The following NCOR2 variants were observed in gnomAD, a reference collection of about 807,000 sequenced individuals.
The protein encoded by NCOR2 is nuclear receptor corepressor 2, also known as CTG repeat protein 26.
NCOR2 carries 81 observed loss-of-function variants against 262.9 expected under a neutral mutation model. The ratio of observed to expected loss-of-function variants is 0.31; its 90% CI spans 0.26 to 0.37. NCOR2 has a LOEUF of 0.37. NCOR2 is among the 10% of genes least tolerant of loss of function. The probability of loss-of-function intolerance (pLI) is 1.00; values close to 1 mark genes in which losing one functional copy is unlikely to be tolerated. For missense variants in NCOR2, 3,385 were observed against 3,621.4 expected, an observed-to-expected ratio of 0.93 and a Z score of 1.68; for synonymous variants, 1,659 against 1,559.3, an observed-to-expected ratio of 1.06 and a Z score of -1.51.
At chr12:124,362,440 G>A in intron 21 of NCOR2, 143 bp from the exon 24 acceptor site, 1 of 741,046 alleles carries the variant, frequency 1.3e-6, no homozygotes, top group South Asian at 2.7e-5. Flanking sequence ...CGGCAAGAAA[G>A]GGAGGTCTTA....
intron 44 of NCOR2, chr12:124,328,544 T>C (rs2034893622): frequency 6.6e-6 from 1 of 151,272 alleles, no homozygotes; most frequent in African/African-American, 2.5e-5. Context: ...TTTTCTTTCT[T>C]GTGAACCACG....
At position 124,511,551 on chromosome 12, in the gene NCOR2, C is replaced by T. The variant is rs562977294; in HGVS notation, c.-117-16183G>A. 4.6e-5 allele frequency among the ~76,000 whole-genome samples: 7 copies of T among 152,324 alleles called. No homozygotes were observed. The South Asian group carries it at 1.2e-3, about 27-fold the overall frequency. On this transcript the variant is annotated intron_variant, in intron 1 of 46. Coordinates refer to the NCOR2 transcript ENST00000404621. ...CCTGGGGCAAAGCCGGGGTAGAATC[C>T]GAGAGCCTCCTGCCTCTGGGTCCTG...
chr12:124,483,826 TCCCGAGGCCCCGACCA>T lies in NCOR2; in HGVS notation c.234-69_234-54del. The T allele has an allele frequency of 6.7e-7, 1 of 1,487,720 alleles. No homozygotes were observed. Among genetic ancestry groups the T allele is most frequent in the Non-Finnish European group, 9.0e-7 (1 of 1,116,618 alleles). The allele number at this position is 1,487,720 out of a possible 1,614,324, so 92.2% of individuals were successfully genotyped here. ...CATAGGAGATTGCGGCTCTGAGAAC[TCCCGAGGCCCCGACCA>T]CCCTCTGCGCCGAGCATCTACTGCG... On this transcript the variant is annotated intron_variant, in intron 2 of 46. Coordinates refer to ENST00000405201, the Ensembl canonical transcript of NCOR2. This position sits in a 1 kb window ranked among gnomAD's most constrained non-coding sequence, Gnocchi z 6.3.
chr12:124,369,462 C>T (rs1010716614), intron 20 of NCOR2, among the ~76,000 whole-genome samples: 7 of 152,044 alleles, frequency 4.6e-5, no homozygotes, highest in Admixed American at 3.3e-4. Flanking sequence ...GAGCAGGGGT[C>T]GCCTGGGGGG....
At chr12:124,505,092 G>A (rs1234967506) in intron 1 of NCOR2, among the ~76,000 whole-genome samples, 2 of 152,084 alleles carry the variant, frequency 1.3e-5, no homozygotes, top group Non-Finnish European at 2.9e-5. Flanking sequence ...TGGCCGGCTG[G>A]AAGTGGGCAG....
chr12:124,336,769 C>T (rs1344232503), exon 38 of NCOR2: 1 of 1,613,090 alleles, frequency 6.2e-7, no homozygotes, highest in Non-Finnish European at 8.5e-7. Flanking sequence ...AACGGAGTTC[C>T]AGTTCCTGGA....
chr12:124,351,067 C>T (rs909521376), intron 27 of NCOR2, among the ~76,000 whole-genome samples: 3 of 152,194 alleles, frequency 2.0e-5, no homozygotes, highest in African/African-American at 4.8e-5. Context: ...CAGGGAGGCA[C>T]AGTGACTTTA....
At chr12:124,385,672 G>C in intron 17 of NCOR2, 73 bp downstream of exon 19, 1 of 1,574,664 alleles carries the variant, frequency 6.4e-7, no homozygotes, top group Non-Finnish European at 8.6e-7. Flanking sequence ...GGGGTGCAGA[G>C]ACATCTCCTG....
At position 124,527,493 on chromosome 12, in the gene NCOR2, C is replaced by A. The variant is rs565653580; in HGVS notation, c.-118+8072G>T. On this transcript the variant is annotated intron_variant, in intron 1 of 46. Transcript: ENST00000404621. Reference sequence around the variant, plus strand: ...AGTGCAGTGGCACGATCTCAGCTCACTGCAGTCTCTGCCTCCTGGGTTCAA... The same window carrying A: ...AGTGCAGTGGCACGATCTCAGCTCAATGCAGTCTCTGCCTCCTGGGTTCAA... Among the ~76,000 whole-genome samples, 4 of 152,218 alleles carry A rather than the reference C, an allele frequency of 2.6e-5. No homozygotes were observed. The South Asian group carries it at 8.3e-4, about 32-fold the overall frequency.
At chr12:124,436,864 C>T (rs1306890522) in intron 8 of NCOR2, among the ~76,000 whole-genome samples, 1 of 152,156 alleles carries the variant, frequency 6.6e-6, no homozygotes. Context: ...GAGGCGGGTG[C>T]ATCACCTGAG....
Position 124,549,331 on chromosome 12 carries a change from G to A in NCOR2, c.-164-13720C>T, listed in dbSNP as rs1029984594. Among the ~76,000 whole-genome samples the A allele has an allele frequency of 3.3e-5, 5 of 152,152 alleles. No homozygotes were observed. Among genetic ancestry groups the A allele is most frequent in the Non-Finnish European group, 7.4e-5 (5 of 68,020 alleles). ...AAAATCCCACACTCCCCGCTTGGCC[G>A]GGTGGCCCACTGCCCGTCTGGCTTT... On this transcript the variant is annotated intron_variant, in intron 1 of 32. Transcript: ENST00000458234. The surrounding 1 kb of genome is among the most constrained non-coding windows in gnomAD (Gnocchi z 4.4).
At chr12:124,386,877 T>C (rs2040845405) in intron 16 of NCOR2, among the ~76,000 whole-genome samples, 2 of 152,228 alleles carry the variant, frequency 1.3e-5, no homozygotes, top group South Asian at 2.1e-4. Context: ...GGCGTGACCT[T>C]GTGTGGCCCA....
intron 16 of NCOR2, among the ~76,000 whole-genome samples, chr12:124,397,385 G>C (rs1237309009): frequency 6.6e-6 from 1 of 152,214 alleles, no homozygotes; most frequent in Non-Finnish European, 1.5e-5. Context: ...ACTGTGCTGG[G>C]AAGTAAAGAT....
intron 17 of NCOR2, 83 bp downstream of exon 19, chr12:124,385,662 G>C (rs776547270): frequency 3.2e-6 from 5 of 1,554,600 alleles, no homozygotes; most frequent in Non-Finnish European, 4.4e-6. Flanking sequence ...CATGCCTCCT[G>C]GGGTGCAGAG....
chr12:124,528,004 C>T lies in NCOR2; in HGVS notation c.-118+7561G>A, dbSNP rs373468024. Among the ~76,000 whole-genome samples, 18 of 152,352 alleles carry T rather than the reference C, an allele frequency of 1.2e-4. No homozygotes were observed. In the South Asian group the frequency reaches 3.7e-3, roughly 32 times the overall value. On this transcript the variant is annotated intron_variant, in intron 1 of 46. Coordinates refer to the NCOR2 transcript ENST00000404621. Reference sequence around the variant, plus strand: ...GTTTGTCATCTACCCTTCAGCGCAGCCTGATGAGGGATTTGCTGAATCAGG... The same window carrying T: ...GTTTGTCATCTACCCTTCAGCGCAGTCTGATGAGGGATTTGCTGAATCAGG...
chr12:124,352,714 C>A (rs1383462902), intron 27 of NCOR2, among the ~76,000 whole-genome samples: 1 of 152,236 alleles, frequency 6.6e-6, no homozygotes, highest in Non-Finnish European at 1.5e-5. Context: ...TCTTCAGGGA[C>A]ATGGACAGAG....
At chr12:124,405,610 C>G (rs891983733) in intron 13 of NCOR2, among the ~76,000 whole-genome samples, 1 of 152,216 alleles carries the variant, frequency 6.6e-6, no homozygotes, top group Non-Finnish European at 1.5e-5. Context: ...TGGGACAGAC[C>G]CCGGCAGCCT....
chr12:124,430,851 T>A, intron 8 of NCOR2, 64 bp from the exon 11 acceptor site: 2 of 1,535,144 alleles, frequency 1.3e-6, no homozygotes, highest in South Asian at 2.5e-5. Flanking sequence ...GCCTCCCCCC[T>A]GCCCACTCAC....
Position 124,334,443 on chromosome 12 carries a change from G to A in NCOR2, c.6586C>T (p.His2196Tyr), listed in dbSNP as rs372728146. ...GCTCACCTCTTGCCCCCTTCGCTGT[G>A]GGGGGAGCCACGGGCCGGGGCACCA... Residue 2196 changes from histidine to tyrosine, a missense_variant, in exon 41 of 47, where the codon CAC becomes TAC. Physicochemically the swap from His to Tyr is moderately conservative, Grantham distance 83 (BLOSUM62 2). Coordinates refer to ENST00000405201, the Ensembl canonical transcript of NCOR2. 46 of 1,498,458 alleles carry A rather than the reference G, an allele frequency of 3.1e-5. 1 individual carries two copies. In the South Asian group the frequency reaches 4.3e-4, roughly 14 times the overall value. 92.8% of individuals were successfully genotyped at this position (1,498,458 alleles called of 1,614,324 possible). A position where few individuals can be genotyped will look rare whatever the true frequency, so the allele number is the denominator to read the frequency against.
Sources: gnomAD v4.1 joint callset for allele counts (sites outside exome capture counted in the v4.1 genomes callset) on GRCh38, gnomAD v4.1.1 for gene constraint, Gnocchi (gnomAD v3.1) non-coding constraint, MANE v1.5 for transcripts, NCBI Gene and HGNC (gene_info 2026-07-23, HGNC 2026-07-21) for gene names.